The following MATN2 variants were observed in gnomAD, a reference collection of about 807,000 sequenced individuals.
MATN2 encodes matrilin-2.
In MATN2, 69 loss-of-function variants were observed where a neutral mutation model predicts 103.2. That is an observed-to-expected ratio of 0.67 (90% CI 0.55 to 0.82). The LOEUF (loss-of-function observed/expected upper bound fraction) is 0.82, where lower values mean the gene tolerates loss of function less well. Among genes scored for constraint, MATN2 ranks in the 40% least tolerant of loss-of-function variants. The probability of loss-of-function intolerance (pLI) is 0.00; values close to 1 mark genes in which losing one functional copy is unlikely to be tolerated. For missense variants in MATN2, 1,023 were observed against 1,211.5 expected (o/e 0.84, Z 2.31); for synonymous variants, 429 against 450.2 (o/e 0.95, Z 0.60).
chr8:97,992,958 T>C (rs141181727), intron 6 of MATN2, among the ~76,000 whole-genome samples: 38 of 146,028 alleles, frequency 2.6e-4, no homozygotes, highest in East Asian at 9.8e-4. Context: ...ATAATAATAA[T>C]AACAACAATA....
chr8:98,027,899 A>C, intron 14 of MATN2, 70 bp downstream of exon 14: 3 of 1,467,448 alleles, frequency 2.0e-6, no homozygotes, highest in Non-Finnish European at 2.7e-6. Flanking sequence ...CAGTGGTCTC[A>C]GCTGGCCATA....
rs2130468901 is a variant in MATN2, at chr8:98,035,794, T to C, written c.*82T>C. 1 of 806,756 alleles carries C rather than the reference T, an allele frequency of 1.2e-6. No individual in the cohort carries two copies. Among genetic ancestry groups the C allele is most frequent in the South Asian group, 2.2e-5 (1 of 44,458 alleles). 50.0% of individuals were successfully genotyped at this position (806,756 alleles called of 1,614,324 possible). On this transcript the variant is annotated 3_prime_UTR_variant, in exon 19 of 19. Transcript: ENST00000254898. ...GTGCAGAGCCCCAAAGCTCAGGCTA[T>C]TGTTAAATCAATAATGTTGTGAAGT...
chr8:98,035,717 T>A lies in MATN2; in HGVS notation c.*5T>A. 2.5e-6 allele frequency: 4 copies of A among 1,592,576 alleles called. No homozygotes were observed. The highest frequency in any genetic ancestry group is 3.4e-6 in the Non-Finnish European group (4 of 1,165,266). The stretch of plus-strand genomic sequence containing the variant: ...AATCGCCTGAGATACAGATGAAGAT[T>A]AGAAATCGCGACACATTTGTAGTCA... On this transcript the variant is annotated 3_prime_UTR_variant, in exon 19 of 19. Transcript: ENST00000254898.
chr8:97,967,911 T>G (rs2130278597), intron 5 of MATN2, among the ~76,000 whole-genome samples: 1 of 152,354 alleles, frequency 6.6e-6, no homozygotes, highest in African/African-American at 2.4e-5. Context: ...AGTCTCTCTA[T>G]GAGGCTTCAC....
intron 4 of MATN2, among the ~76,000 whole-genome samples, chr8:97,947,246 C>A (rs1439862957): frequency 6.6e-6 from 1 of 152,146 alleles, no homozygotes; most frequent in Non-Finnish European, 1.5e-5. Context: ...GTGGTGCATG[C>A]CTGTAATCCC....
intron 5 of MATN2, among the ~76,000 whole-genome samples, chr8:97,971,732 C>T (rs538582631): frequency 1.3e-5 from 2 of 152,084 alleles, no homozygotes; most frequent in Non-Finnish European, 2.9e-5. Flanking sequence ...ATTGTAAACC[C>T]TTGAGGGCAA....
chr8:97,909,958 T>C (rs1819312438), intron 2 of MATN2, among the ~76,000 whole-genome samples: 1 of 151,862 alleles, frequency 6.6e-6, no homozygotes, highest in Non-Finnish European at 1.5e-5. Context: ...TAATTTTTTG[T>C]ATTTTTAGTA....
chr8:97,961,592 G>A, intron 5 of MATN2, 62 bp downstream of exon 5: 1 of 1,503,004 alleles, frequency 6.7e-7, no homozygotes, highest in Non-Finnish European at 9.0e-7. Flanking sequence ...GAGGAGGAGG[G>A]GAGACTCACG....
intron 2 of MATN2, among the ~76,000 whole-genome samples, chr8:97,897,564 G>A (rs1318844085): frequency 6.6e-6 from 1 of 152,176 alleles, no homozygotes; most frequent in African/African-American, 2.4e-5. Context: ...TACAAATGAA[G>A]GTCGATGCAT....
chr8:97,896,488 A>G (rs563327103), intron 2 of MATN2, among the ~76,000 whole-genome samples: 3 of 152,326 alleles, frequency 2.0e-5, no homozygotes, highest in African/African-American at 7.2e-5. Flanking sequence ...GCAGGACAAC[A>G]GGGATGGGGC....
chr8:97,999,795 C>G (rs1161070532), intron 7 of MATN2, among the ~76,000 whole-genome samples: 1 of 151,552 alleles, frequency 6.6e-6, no homozygotes. Context: ...TGCAGCCATT[C>G]TGCTCATACT....
chr8:97,920,916 G>T (rs555786696), intron 2 of MATN2, among the ~76,000 whole-genome samples: 1 of 152,178 alleles, frequency 6.6e-6, no homozygotes, highest in Non-Finnish European at 1.5e-5. Flanking sequence ...TAGGGGTGTC[G>T]GTCACAGATG....
intron 2 of MATN2, among the ~76,000 whole-genome samples, chr8:97,919,633 C>T (rs1435288799): frequency 6.6e-6 from 1 of 152,202 alleles, no homozygotes; most frequent in Non-Finnish European, 1.5e-5. Context: ...CATTCCAGCT[C>T]ATGGCAGGGT....
intron 2 of MATN2, among the ~76,000 whole-genome samples, chr8:97,891,680 A>G (rs1037692449): frequency 6.6e-6 from 1 of 152,202 alleles, no homozygotes; most frequent in African/African-American, 2.4e-5. Context: ...TTGTTTTTTA[A>G]GAATCCTGAG....
At position 97,890,180 on chromosome 8, in the gene MATN2, GA is replaced by G. The variant is rs769414008; in HGVS notation, c.142+1939del. 3.3e-5 allele frequency among the ~76,000 whole-genome samples: 5 copies of G among 152,014 alleles called. No individual in the cohort carries two copies. In the East Asian group the frequency reaches 7.7e-4, roughly 24 times the overall value. ...GGCTGCTTGGCTTATGAAAATGGTG[GA>G]GTGGGCCGGACATGGTGGCTCACAC... is the stretch of plus-strand genomic sequence containing the variant. On this transcript the variant is annotated intron_variant, in intron 2 of 18. Coordinates refer to ENST00000254898, the MANE Select transcript of MATN2 (RefSeq NM_002380.5).
At chr8:97,971,970 C>T (rs1286262633) in intron 5 of MATN2, among the ~76,000 whole-genome samples, 3 of 148,880 alleles carry the variant, frequency 2.0e-5, no homozygotes, top group Non-Finnish European at 4.4e-5. Flanking sequence ...CCAAGGCGGG[C>T]AGATCTCTTG....
At chr8:97,960,367 A>G (rs1171281058) in intron 4 of MATN2, among the ~76,000 whole-genome samples, 1 of 151,748 alleles carries the variant, frequency 6.6e-6, no homozygotes, top group Non-Finnish European at 1.5e-5. Context: ...TAGCTGTTTC[A>G]TGGTATCCAA....
At chr8:97,951,395 G>A (rs945373545) in intron 4 of MATN2, among the ~76,000 whole-genome samples, 20 of 152,094 alleles carry the variant, frequency 1.3e-4, no homozygotes, top group African/African-American at 3.1e-4. Flanking sequence ...CTTTTCCTCC[G>A]CTTGGCTGTT....
intron 3 of MATN2, among the ~76,000 whole-genome samples, chr8:97,936,566 G>T (rs1031674147): frequency 2.0e-5 from 3 of 152,058 alleles, no homozygotes; most frequent in African/African-American, 4.8e-5. Flanking sequence ...CACTCCTTTA[G>T]TCATTCATAC....
Sources: gnomAD v4.1 joint callset for allele counts (sites outside exome capture counted in the v4.1 genomes callset) on GRCh38, gnomAD v4.1.1 for gene constraint, MANE v1.5 for transcripts, NCBI Gene and HGNC (gene_info 2026-07-23, HGNC 2026-07-21) for gene names.